CDC27: variants seen among roughly 807,000 people sequenced by gnomAD.
CDC27 encodes the protein cell division cycle protein 27 homolog.
A neutral mutation model predicts 109.7 loss-of-function variants in CDC27; 27 were observed. The observed-to-expected ratio is 0.25, with a 90% confidence interval of 0.18 to 0.34. The LOEUF (loss-of-function observed/expected upper bound fraction) is 0.34, where lower values mean the gene tolerates loss of function less well. CDC27 is among the 10% of genes least tolerant of loss of function. The pLI, the probability that CDC27 is intolerant of heterozygous loss-of-function variation, is 1.00. For missense variants in CDC27, 579 were observed against 960.2 expected (o/e 0.60, Z 5.25); for synonymous variants, 266 against 333.9 (o/e 0.80, Z 2.22).
chr17:47,136,860 G>GT (rs1433857627), intron 14 of CDC27, among the ~76,000 whole-genome samples: 3 of 152,036 alleles, frequency 2.0e-5, no homozygotes, highest in Non-Finnish European at 2.9e-5. Flanking sequence ...AAGCAACAAA[G>GT]TAACAAAACT....
At position 47,118,901 on chromosome 17, in the gene CDC27, C is replaced by T. The variant is rs1034232696; in HGVS notation, c.*2034G>A. 2.0e-5 allele frequency: 3 copies of T among 152,194 alleles called. No individual in the cohort carries two copies. The highest frequency in any genetic ancestry group is 7.2e-5 in the African/African-American group (3 of 41,458). 9.4% of individuals were successfully genotyped at this position (152,194 alleles called of 1,614,324 possible). Reference sequence around the variant, plus strand: ...CATTGCCATGGCATGTCTTACAAAACGATCCTTTTATCCTTGGTCTCAAAA... The same window carrying T: ...CATTGCCATGGCATGTCTTACAAAATGATCCTTTTATCCTTGGTCTCAAAA... On this transcript the variant is annotated 3_prime_UTR_variant, in exon 19 of 19. Coordinates refer to ENST00000066544, the MANE Select transcript of CDC27 (RefSeq NM_001256.6).
At chr17:47,137,092 A>G in intron 14 of CDC27, 60 bp downstream of exon 14, 2 of 961,304 alleles carry the variant, frequency 2.1e-6, no homozygotes, top group Non-Finnish European at 2.9e-6. Flanking sequence ...CTAACAAGAA[A>G]AATTAGTAAG....
chr17:47,187,702 G>C (rs562696207), intron 1 of CDC27, among the ~76,000 whole-genome samples: 121 of 145,554 alleles, frequency 8.3e-4, no homozygotes, highest in Admixed American at 7.2e-3. Flanking sequence ...GCCAGAGAAG[G>C]CAAAAAAAAA....
chr17:47,155,167 C>G (rs1328544340), intron 7 of CDC27, among the ~76,000 whole-genome samples: 1 of 152,112 alleles, frequency 6.6e-6, no homozygotes, highest in East Asian at 1.9e-4. Flanking sequence ...TATAACTCTC[C>G]AGAGTTGTAA....
chr17:47,146,978 T>G (rs1157616455), intron 9 of CDC27, among the ~76,000 whole-genome samples: 1 of 152,024 alleles, frequency 6.6e-6, no homozygotes, highest in Non-Finnish European at 1.5e-5. Context: ...TGGGAGGACT[T>G]CTTGAGCCCA....
chr17:47,134,398 T>C (rs920431427), intron 14 of CDC27, among the ~76,000 whole-genome samples: 2 of 151,782 alleles, frequency 1.3e-5, no homozygotes, highest in African/African-American at 4.8e-5. Flanking sequence ...AACCTTGAAC[T>C]CTTAGGCTCA....
intron 1 of CDC27, among the ~76,000 whole-genome samples, chr17:47,184,528 A>G (rs1163505529): frequency 6.6e-6 from 1 of 152,242 alleles, no homozygotes; most frequent in Non-Finnish European, 1.5e-5. Flanking sequence ...TCCTTTTAAA[A>G]TTAAAGAAAT....
chr17:47,184,883 C>A (rs1205485136), intron 1 of CDC27, among the ~76,000 whole-genome samples: 1 of 152,158 alleles, frequency 6.6e-6, no homozygotes, highest in African/African-American at 2.4e-5. Context: ...AAAGAACACC[C>A]AGTGCATTAC....
chr17:47,137,457 A>C, intron 13 of CDC27, 97 bp from the exon 14 acceptor site: 2 of 612,956 alleles, frequency 3.3e-6, no homozygotes, highest in Admixed American at 3.7e-5. Context: ...TAGAACAGAA[A>C]GACAAAAATG....
In CDC27 at chr17:47,142,305, A is replaced by C; in HGVS notation, c.1302T>G (p.Ser434=). Residue 434 remains serine, a synonymous_variant, in exon 11 of 19, where the codon TCT becomes TCG. Coordinates refer to ENST00000066544, the MANE Select transcript of CDC27 (RefSeq NM_001256.6). ...NDSLEITKLD[S]SIISEGKIST... ...ATATTTTCCCTTCTGAAATGATGGA[A>C]GAGTCCAATTTTGTAATTTCCAGGC... 6.3e-7 allele frequency: 1 copy of C among 1,592,530 alleles called. No individual in the cohort carries two copies. Among genetic ancestry groups the C allele is most frequent in the Non-Finnish European group, 8.6e-7 (1 of 1,162,326 alleles).
At chr17:47,142,878 G>A (rs11570522) in intron 10 of CDC27, among the ~76,000 whole-genome samples, 90 of 152,068 alleles carry the variant, frequency 5.9e-4, no homozygotes, top group African/African-American at 2.0e-3. Context: ...ATTTCTCCAC[G>A]TTGGTCAGGC....
chr17:47,175,094 GAAGT>G (rs201793243), intron 2 of CDC27, among the ~76,000 whole-genome samples: 34,385 of 93,224 alleles, frequency 0.37, 5,151 homozygotes, highest in East Asian at 0.42. Context: ...AGGAAGGAAG[GAAGT>G]AAGTTGTAGC....
Position 47,151,666 on chromosome 17 carries a change from T to C in CDC27, c.1070+140A>G, listed in dbSNP as rs1015148418. The C allele has an allele frequency of 5.3e-6, 3 of 571,236 alleles. No homozygotes were observed. In the African/African-American group the frequency reaches 5.7e-5, roughly 11 times the overall value. The allele number at this position is 571,236 out of a possible 1,614,324, so 35.4% of individuals were successfully genotyped here. On this transcript the variant is annotated intron_variant, in intron 9 of 18. Transcript: ENST00000066544. Reference sequence around the variant, plus strand: ...TCAAAATTACATTAGTGTTGTAAGTTAGAGGTTTCAAATTTTACATCTTCA... The same window carrying C: ...TCAAAATTACATTAGTGTTGTAAGTCAGAGGTTTCAAATTTTACATCTTCA...
At chr17:47,142,473 A>T in intron 10 of CDC27, 37 bp from the exon 11 acceptor site, 1 of 835,892 alleles carries the variant, frequency 1.2e-6, no homozygotes. Context: ...TGTTATACTC[A>T]TGTATTTTAG....
At chr17:47,127,999 T>A (rs1211913983) in intron 16 of CDC27, among the ~76,000 whole-genome samples, 3 of 151,828 alleles carry the variant, frequency 2.0e-5, no homozygotes, top group Non-Finnish European at 2.9e-5. Flanking sequence ...TTTATTAGTA[T>A]TAAAAAAAAG....
At chr17:47,130,973 A>T (rs1424309831) in intron 15 of CDC27, among the ~76,000 whole-genome samples, 1 of 152,124 alleles carries the variant, frequency 6.6e-6, no homozygotes, top group African/African-American at 2.4e-5. Flanking sequence ...AGAATGTGAG[A>T]ATAGGTAGTG....
At position 47,187,703 on chromosome 17, in the gene CDC27, C is replaced by CAA. The variant is rs35856124; in HGVS notation, c.27+1441_27+1442dup. On this transcript the variant is annotated intron_variant, in intron 1 of 18. Transcript: ENST00000066544. ...AGAAGACTTCTGGGGCCAGAGAAGG[C>CAA]AAAAAAAAAAAAATCATTAACTATT... 7.7e-4 allele frequency among the ~76,000 whole-genome samples: 91 copies of CAA among 117,464 alleles called. 1 individual carries two copies. Among genetic ancestry groups the CAA allele is most frequent in the African/African-American group, 2.0e-3 (64 of 32,394 alleles). The allele number at this position is 117,464 out of a possible 152,430, so 77.1% of individuals were successfully genotyped here.
intron 14 of CDC27, among the ~76,000 whole-genome samples, chr17:47,136,946 A>G (rs1425153902): frequency 5.3e-5 from 8 of 152,370 alleles, no homozygotes; most frequent in South Asian, 2.1e-4. Flanking sequence ...AGGATCTGGT[A>G]TTCTATTATC....
At chr17:47,155,406 G>A (rs11570488) in intron 7 of CDC27, among the ~76,000 whole-genome samples, 1,767 of 151,972 alleles carry the variant, frequency 0.012, 55 homozygotes, top group East Asian at 0.096. Context: ...TCACCATGCC[G>A]GGCTAATTTT....
Sources: gnomAD v4.1 joint callset for allele counts (sites outside exome capture counted in the v4.1 genomes callset) on GRCh38, gnomAD v4.1.1 for gene constraint, MANE v1.5 for transcripts, NCBI Gene and HGNC (gene_info 2026-07-23, HGNC 2026-07-21) for gene names.